ANK3: variants seen among roughly 807,000 people sequenced by gnomAD.
ANK3 encodes the protein ankyrin-3.
ANK3 carries 57 observed loss-of-function variants against 370.9 expected under a neutral mutation model. That is an observed-to-expected ratio of 0.15 (90% CI 0.12 to 0.19). The LOEUF is 0.19. Ranked by LOEUF, ANK3 falls within the 10% of genes least tolerant of loss-of-function variation. ANK3 has a pLI of 1.00. For synonymous variants in ANK3, 1,929 were observed against 1,946.3 expected (o/e 0.99, Z 0.23); for missense variants, 4,439 against 5,302.1 (o/e 0.84, Z 5.06).
intron 16 of ANK3, among the ~76,000 whole-genome samples, chr10:60,193,637 A>C (rs886084502): frequency 4.9e-5 from 6 of 121,790 alleles, no homozygotes; most frequent in African/African-American, 1.4e-4. Context: ...TCTGGGTGAC[A>C]AAAAAAAAAA....
intron 23 of ANK3, among the ~76,000 whole-genome samples, chr10:60,154,672 GT>G (rs2095270943): frequency 6.6e-6 from 1 of 152,096 alleles, no homozygotes; most frequent in African/African-American, 2.4e-5. Flanking sequence ...GTGGGCGCCT[GT>G]AGTCCCAACT....
intron 1 of ANK3, among the ~76,000 whole-genome samples, chr10:60,656,003 T>C (rs2078858516): frequency 6.6e-6 from 1 of 152,188 alleles, no homozygotes; most frequent in South Asian, 2.1e-4. Flanking sequence ...CTATGCCATC[T>C]AGGTCTGTGT....
intron 7 of ANK3, among the ~76,000 whole-genome samples, chr10:60,240,300 A>ATTT (rs1344546716): frequency 1.1e-5 from 1 of 93,890 alleles, no homozygotes; most frequent in African/African-American, 4.2e-5. Context: ...ATATATATAT[A>ATTT]TATATATTTT....
chr10:60,222,861 T>A (rs193118632), intron 8 of ANK3, among the ~76,000 whole-genome samples: 1 of 152,330 alleles, frequency 6.6e-6, no homozygotes. Context: ...GAGCAGAGCA[T>A]TTCTTTGAAA....
intron 1 of ANK3, among the ~76,000 whole-genome samples, chr10:60,372,126 T>C (rs1243963726): frequency 1.3e-5 from 2 of 152,194 alleles, no homozygotes; most frequent in African/African-American, 4.8e-5. Context: ...TAAATTCATA[T>C]ATTTCAAAGC....
intron 1 of ANK3, among the ~76,000 whole-genome samples, chr10:60,630,530 A>G (rs2133339386): frequency 6.6e-6 from 1 of 152,308 alleles, no homozygotes. Context: ...CTGCAGAGGA[A>G]CTAATCAGAG....
chr10:60,568,091 G>A (rs1199195383), intron 2 of ANK3, among the ~76,000 whole-genome samples: 3 of 152,166 alleles, frequency 2.0e-5, no homozygotes, highest in Non-Finnish European at 4.4e-5. Context: ...AATATTTAGA[G>A]TATTACATAA....
chr10:60,698,144 T>G lies in ANK3; in HGVS notation c.57+35119A>C, dbSNP rs1241286051. Among the ~76,000 whole-genome samples, 4 of 151,500 alleles carry G rather than the reference T, an allele frequency of 2.6e-5. No individual in the cohort carries two copies. The South Asian group carries it at 6.3e-4, about 24-fold the overall frequency. ...GACATTTATGCAGCCAAAAAAAACA[T>G]GAAAAAATGCTCACCATCAGTGGCC... On this transcript the variant is annotated intron_variant, in intron 1 of 43. Coordinates refer to the ANK3 transcript ENST00000373827.
chr10:60,733,223 G>T lies in ANK3; in HGVS notation c.57+40C>A, dbSNP rs549807821. 22 of 1,239,260 alleles carry T rather than the reference G, an allele frequency of 1.8e-5. No individual in the cohort carries two copies. In the East Asian group the frequency reaches 5.0e-4, roughly 28 times the overall value. The allele number at this position is 1,239,260 out of a possible 1,614,324, so 76.8% of individuals were successfully genotyped here. On this transcript the variant is annotated intron_variant, in intron 1 of 43. Coordinates refer to the ANK3 transcript ENST00000373827. ...CGCCCGGGTCCCCGCATGCCCCTGGGTGAAGGCAGCCGCAGGTAGGGGGGC... is the reference window on the plus strand; with the variant it reads ...CGCCCGGGTCCCCGCATGCCCCTGGTTGAAGGCAGCCGCAGGTAGGGGGGC...
chr10:60,326,838 A>G (rs2050003703), intron 1 of ANK3, among the ~76,000 whole-genome samples: 2 of 151,956 alleles, frequency 1.3e-5, no homozygotes, highest in East Asian at 3.9e-4. Flanking sequence ...TGGCTAACAC[A>G]GTGAAACCCC....
intron 25 of ANK3, 114 bp from the exon 26 acceptor site, chr10:60,114,445 A>T (rs1196109870): frequency 2.1e-6 from 1 of 468,598 alleles, no homozygotes; most frequent in East Asian, 3.5e-5. Context: ...TACATTCAAC[A>T]TAAATAATTT....
At chr10:60,505,091 C>T (rs553727526) in intron 2 of ANK3, among the ~76,000 whole-genome samples, 26 of 152,154 alleles carry the variant, frequency 1.7e-4, no homozygotes, top group South Asian at 4.1e-4. Flanking sequence ...AATATTTCAG[C>T]GCTCTCTACC....
intron 7 of ANK3, among the ~76,000 whole-genome samples, chr10:60,253,554 C>T (rs1004600897): frequency 1.1e-4 from 16 of 152,326 alleles, no homozygotes; most frequent in African/African-American, 3.4e-4. Flanking sequence ...GATTGCACAG[C>T]ATAATTATAA....
chr10:60,430,242 A>T (rs1390206901), intron 2 of ANK3, among the ~76,000 whole-genome samples: 1 of 152,252 alleles, frequency 6.6e-6, no homozygotes, highest in Non-Finnish European at 1.5e-5. Context: ...AAAATCAAAG[A>T]GGGAGAACTG....
chr10:60,136,425 G>A (rs2094346637), intron 24 of ANK3, among the ~76,000 whole-genome samples: 1 of 152,152 alleles, frequency 6.6e-6, no homozygotes, highest in South Asian at 2.1e-4. Context: ...TGATTTGAGA[G>A]TCGCCGGCCA....
In ANK3 at chr10:60,069,415, G is replaced by T. The variant is rs1286895817; in HGVS notation, c.11466C>A (p.Asn3822Lys). 2 of 1,613,776 alleles carry T rather than the reference G, an allele frequency of 1.2e-6. No homozygotes were observed. The highest frequency in any genetic ancestry group is 1.7e-6 in the Non-Finnish European group (2 of 1,179,944). Reference sequence around the variant, plus strand: ...TTTTTCCTGATGAGACTTTCACTGGGTTATCTTTCTCTGTGGTACAAGTGG... The same window carrying T: ...TTTTTCCTGATGAGACTTTCACTGGTTTATCTTTCTCTGTGGTACAAGTGG... ...SAPTCTTEKDNPVKVSSGKKT... is the reference protein window; with the variant it reads ...SAPTCTTEKDKPVKVSSGKKT... The change falls in exon 37 of 44, where the codon AAC becomes AAA. Residue 3822 changes from asparagine (N) to lysine (K), a missense_variant. Physicochemically the swap from Asn to Lys is moderately conservative, Grantham distance 94. Transcript: ENST00000280772.
chr10:60,360,098 T>A (rs1418711550), intron 1 of ANK3, among the ~76,000 whole-genome samples: 3 of 152,222 alleles, frequency 2.0e-5, no homozygotes, highest in African/African-American at 7.2e-5. Flanking sequence ...TTTTGATAGT[T>A]ATAGAGCTTC....
chr10:60,344,418 GC>G (rs1362909174), intron 1 of ANK3, among the ~76,000 whole-genome samples: 2 of 152,264 alleles, frequency 1.3e-5, no homozygotes, highest in South Asian at 4.1e-4. Context: ...TGCCAAAGAT[GC>G]TATGGGAGTG....
intron 18 of ANK3, among the ~76,000 whole-genome samples, chr10:60,175,198 G>A (rs2132321774): frequency 6.6e-6 from 1 of 152,218 alleles, no homozygotes; most frequent in African/African-American, 2.4e-5. Flanking sequence ...TGGTCGCTGT[G>A]CTCCAGGACA....
Sources: gnomAD v4.1 joint callset for allele counts (sites outside exome capture counted in the v4.1 genomes callset) on GRCh38, gnomAD v4.1.1 for gene constraint, MANE v1.5 for transcripts, NCBI Gene and HGNC (gene_info 2026-07-23, HGNC 2026-07-21) for gene names.